Variants in TCF4 observed in about 807,000 individuals in gnomAD.
The protein encoded by TCF4 is transcription factor 4, also known as SL3-3 enhancer factor 2.
A neutral mutation model predicts 82.1 loss-of-function variants in TCF4; 3 were observed. The ratio of observed to expected loss-of-function variants is 0.04; its 90% CI spans 0.02 to 0.09. The LOEUF (loss-of-function observed/expected upper bound fraction) is 0.09. TCF4 is among the 10% of genes least tolerant of loss of function. TCF4 has a pLI of 1.00. For synonymous variants in TCF4, 276 were observed against 309.6 expected (o/e 0.89, Z 1.14); for missense variants, 518 against 852.7 (o/e 0.61, Z 4.89).
chr18:55,553,605 T>C (rs1370017866), intron 3 of TCF4, among the ~76,000 whole-genome samples: 3 of 152,200 alleles, frequency 2.0e-5, no homozygotes. Flanking sequence ...TCTCTGTCTT[T>C]AGTTTGGGTG....
rs932162126 is a variant in TCF4 at position 55,506,029 on chromosome 18, C to G, written c.146-41892G>C. The stretch of plus-strand genomic sequence containing the variant: ...TGACTTGTTCACTGTGAAACCTCAA[C>G]AGAGACACCTCTTTGAGAAATGGTT... On this transcript the variant is annotated intron_variant, in intron 3 of 19. Transcript: ENST00000354452. Among the ~76,000 whole-genome samples, 8 of 152,182 alleles carry G rather than the reference C, an allele frequency of 5.3e-5. No homozygotes were observed. The South Asian group carries it at 1.7e-3, about 32-fold the overall frequency.
intron 3 of TCF4, chr18:55,550,227 G>A (rs974273024): frequency 2.6e-5 from 4 of 152,124 alleles, no homozygotes; most frequent in Non-Finnish European, 4.4e-5. Flanking sequence ...AAAAAACTAC[G>A]TATAATAATT....
chr18:55,299,278 G>A (rs963074829), intron 8 of TCF4, among the ~76,000 whole-genome samples: 2 of 152,044 alleles, frequency 1.3e-5, no homozygotes, highest in Admixed American at 6.5e-5. Flanking sequence ...CAGGTGTGGT[G>A]GTGGACACCT....
At chr18:55,568,374 G>A (rs552466912) in intron 3 of TCF4, among the ~76,000 whole-genome samples, 5 of 151,762 alleles carry the variant, frequency 3.3e-5, no homozygotes, top group South Asian at 4.2e-4. Flanking sequence ...AATGAAAAAT[G>A]AAAATTATGG....
chr18:55,346,840 C>T (rs1211673149), intron 8 of TCF4, among the ~76,000 whole-genome samples: 1 of 152,130 alleles, frequency 6.6e-6, no homozygotes, highest in East Asian at 1.9e-4. Flanking sequence ...ATGAAAGTAT[C>T]TTAAAACAGC....
upstream of TCF4, among the ~76,000 whole-genome samples, chr18:55,591,839 CAATA>C (rs1287273990): frequency 6.6e-6 from 1 of 152,100 alleles, no homozygotes; most frequent in Admixed American, 6.5e-5. Flanking sequence ...ATTTCAAGGG[CAATA>C]AATAATCTAT....
At chr18:55,592,078 T>C (rs749259891), upstream of TCF4, among the ~76,000 whole-genome samples, 2 of 152,184 alleles carry the variant, frequency 1.3e-5, no homozygotes, top group African/African-American at 2.4e-5. Flanking sequence ...CAGAATGTTA[T>C]ACTTAGAAGA....
At chr18:55,232,415 C>A (rs2048165625) in intron 17 of TCF4, 94 bp downstream of exon 17, 3 of 1,458,494 alleles carry the variant, frequency 2.1e-6, no homozygotes, top group African/African-American at 1.4e-5. Context: ...AATTTACCTG[C>A]CAGGAAAAAA....
In TCF4 at chr18:55,489,463, A is replaced by T. The variant is rs149207230; in HGVS notation, c.146-25326T>A. Among the ~76,000 whole-genome samples, 746 of 152,292 alleles carry T rather than the reference A, an allele frequency of 4.9e-3. 4 individuals carry two copies. The highest frequency in any genetic ancestry group is 7.7e-3 in the Non-Finnish European group (527 of 68,028). ...GAGCCTCAAGTACCAGGCGAGTATC[A>T]GGGCAGATGTTAGTCATCACCCCAA... On this transcript the variant is annotated intron_variant, in intron 3 of 19. Coordinates refer to ENST00000354452, the MANE Select transcript of TCF4 (RefSeq NM_001083962.2).
chr18:55,353,761 T>G (rs1213106813), intron 6 of TCF4, among the ~76,000 whole-genome samples: 1 of 152,204 alleles, frequency 6.6e-6, no homozygotes, highest in East Asian at 1.9e-4. Context: ...GAATGGCGTT[T>G]GATTTAAAGT....
intron 17 of TCF4, chr18:55,229,781 T>C (rs756620475): frequency 1.3e-5 from 2 of 152,400 alleles, no homozygotes; most frequent in Non-Finnish European, 2.9e-5. Flanking sequence ...TTTAATCTTA[T>C]AGATGTTTAT....
chr18:55,541,037 T>C (rs1009046299), intron 3 of TCF4, among the ~76,000 whole-genome samples: 2 of 152,016 alleles, frequency 1.3e-5, no homozygotes, highest in Admixed American at 6.6e-5. Context: ...GTGAGTTCCA[T>C]AGTATACAAT....
intron 14 of TCF4, among the ~76,000 whole-genome samples, chr18:55,257,086 C>T (rs11662842): frequency 6.6e-6 from 1 of 151,810 alleles, no homozygotes; most frequent in Non-Finnish European, 1.5e-5. Context: ...ATTTTATCTG[C>T]TACTAGATAT....
At chr18:55,631,136 G>C (rs1460985904) in intron 2 of TCF4, among the ~76,000 whole-genome samples, 1 of 149,648 alleles carries the variant, frequency 6.7e-6, no homozygotes, top group African/African-American at 2.5e-5. Context: ...TGCAACCTCT[G>C]CCTCCTGGGT....
At chr18:55,565,948 T>C (rs2097401510) in intron 3 of TCF4, among the ~76,000 whole-genome samples, 1 of 150,532 alleles carries the variant, frequency 6.6e-6, no homozygotes, top group African/African-American at 2.5e-5. Context: ...ACGCCTGTAA[T>C]CACAGCAGTT....
chr18:55,581,206 A>T (rs150462546), intron 3 of TCF4, among the ~76,000 whole-genome samples: 2 of 152,182 alleles, frequency 1.3e-5, no homozygotes, highest in East Asian at 3.9e-4. Flanking sequence ...AAAGGACAGA[A>T]AGACAGCAGT....
intron 10 of TCF4, among the ~76,000 whole-genome samples, chr18:55,275,279 A>G (rs75085488): frequency 6.7e-6 from 1 of 149,850 alleles, no homozygotes; most frequent in African/African-American, 2.4e-5. Flanking sequence ...CAGATAGAAA[A>G]AAAAAAAAAA....
intron 3 of TCF4, among the ~76,000 whole-genome samples, chr18:55,464,854 C>T (rs1485773126): frequency 6.6e-6 from 1 of 152,122 alleles, no homozygotes; most frequent in South Asian, 2.1e-4. Context: ...AAAAGACCTA[C>T]ATGAACCATC....
At chr18:55,323,820 C>T (rs1422081248) in intron 8 of TCF4, among the ~76,000 whole-genome samples, 1 of 152,134 alleles carries the variant, frequency 6.6e-6, no homozygotes, top group Non-Finnish European at 1.5e-5. Context: ...TGTTTCTTCC[C>T]TTATTGAGAA....
Sources: gnomAD v4.1 joint callset for allele counts (sites outside exome capture counted in the v4.1 genomes callset) on GRCh38, gnomAD v4.1.1 for gene constraint, MANE v1.5 for transcripts, NCBI Gene and HGNC (gene_info 2026-07-23, HGNC 2026-07-21) for gene names.